The following C14orf39 variants were observed in gnomAD, a reference collection of about 807,000 sequenced individuals.
C14orf39 encodes the protein protein SIX6OS1.
C14orf39 carries 66 observed loss-of-function variants against 85.6 expected under a neutral mutation model. The observed-to-expected ratio is 0.77, with a 90% CI of 0.63 to 0.95. The LOEUF (loss-of-function observed/expected upper bound fraction) is 0.95. C14orf39 is among the 40% of genes least tolerant of loss of function. C14orf39 has a pLI of 0.00. For synonymous variants in C14orf39, 242 were observed against 214.0 expected (o/e 1.13, Z -1.14); for missense variants, 735 against 663.9 (o/e 1.11, Z -1.18).
At chr14:60,475,592 T>TAG (rs1440963956) in intron 5 of C14orf39, among the ~76,000 whole-genome samples, 1 of 152,172 alleles carries the variant, frequency 6.6e-6, no homozygotes, top group East Asian at 1.9e-4. Context: ...TATTAGAGCA[T>TAG]AGCTCATTTA....
intron 1 of C14orf39, among the ~76,000 whole-genome samples, chr14:60,508,718 G>T (rs1263928939): frequency 2.6e-5 from 4 of 152,206 alleles, no homozygotes; most frequent in African/African-American, 9.7e-5. Flanking sequence ...CCACCGCAAG[G>T]TTTGCTGTTT....
At position 60,443,179 on chromosome 14, in the gene C14orf39, G is replaced by C. The variant is rs184283445; in HGVS notation, c.1504-1048C>G. 1.1e-3 allele frequency among the ~76,000 whole-genome samples: 174 copies of C among 152,268 alleles called. 2 individuals carry two copies. The East Asian group carries it at 0.02, about 17-fold the overall frequency. ...ATCTCAATGGGACTGGTTGGACAGT[G>C]GGTGCAGCCCACAGAGGGTGAGCTG... On this transcript the variant is annotated intron_variant, in intron 16 of 17. Coordinates refer to ENST00000321731, the MANE Select transcript of C14orf39 (RefSeq NM_174978.3).
At chr14:60,504,608 T>C (rs1893182377) in intron 1 of C14orf39, among the ~76,000 whole-genome samples, 1 of 152,234 alleles carries the variant, frequency 6.6e-6, no homozygotes, top group African/African-American at 2.4e-5. Context: ...AAAGTGTTTT[T>C]AAGTGACAAG....
chr14:60,459,151 T>A (rs144011126), intron 13 of C14orf39, among the ~76,000 whole-genome samples: 59 of 151,888 alleles, frequency 3.9e-4, no homozygotes, highest in African/African-American at 1.1e-3. Flanking sequence ...ATATGTATGC[T>A]CTTATGTTTT....
At chr14:60,457,294 TTTTTC>T (rs1891323562) in intron 14 of C14orf39, among the ~76,000 whole-genome samples, 199 bp from the exon 15 acceptor site, 1 of 151,892 alleles carries the variant, frequency 6.6e-6, no homozygotes, top group African/African-American at 2.4e-5. Context: ...TTTATCCAAT[TTTTTC>T]TTTTCTTTCC....
chr14:60,443,908 T>A (rs1196162560), intron 16 of C14orf39, among the ~76,000 whole-genome samples: 1 of 152,160 alleles, frequency 6.6e-6, no homozygotes, highest in African/African-American at 2.4e-5. Flanking sequence ...GCAAACAGGG[T>A]CTGGAGTGGA....
intron 1 of C14orf39, among the ~76,000 whole-genome samples, chr14:60,485,506 TCCCCAAC>T (rs2140167618): frequency 6.6e-6 from 1 of 152,258 alleles, no homozygotes; most frequent in African/African-American, 2.4e-5. Context: ...CGAAAGCCCT[TCCCCAAC>T]ACCCGGGTAA....
At chr14:60,512,134 C>T (rs1375736447) in intron 1 of C14orf39, 2 of 152,214 alleles carry the variant, frequency 1.3e-5, no homozygotes, top group African/African-American at 2.4e-5. Context: ...GGCAAGTCCC[C>T]GCATCCCCAG....
intron 5 of C14orf39, among the ~76,000 whole-genome samples, chr14:60,475,835 T>C (rs1340564381): frequency 6.6e-6 from 1 of 152,144 alleles, no homozygotes; most frequent in Non-Finnish European, 1.5e-5. Flanking sequence ...TCAAAAAAAT[T>C]CGTAGAAAAA....
chr14:60,455,287 C>G (rs1951114), intron 15 of C14orf39, 142 bp from the exon 16 acceptor site: 66,889 of 546,848 alleles, frequency 0.12, 6,892 homozygotes, highest in African/African-American at 0.39. Flanking sequence ...ACAATCCTAT[C>G]GAGAAAGGAT....
intron 5 of C14orf39, among the ~76,000 whole-genome samples, chr14:60,472,635 A>G (rs1200282887): frequency 6.6e-6 from 1 of 152,014 alleles, no homozygotes; most frequent in Non-Finnish European, 1.5e-5. Flanking sequence ...CCCACCTACG[A>G]GTGAGAATAT....
At chr14:60,443,096 A>G (rs1890600141) in intron 16 of C14orf39, among the ~76,000 whole-genome samples, 1 of 152,040 alleles carries the variant, frequency 6.6e-6, no homozygotes, top group Non-Finnish European at 1.5e-5. Flanking sequence ...TGCAGCTCCC[A>G]GCGAGATCTA....
At chr14:60,461,654 GTCGT>G in intron 11 of C14orf39, 61 bp from the exon 12 acceptor site, 1 of 998,646 alleles carries the variant, frequency 1.0e-6, no homozygotes, top group Non-Finnish European at 1.5e-6. Context: ...TTTTTTGCTT[GTCGT>G]TAGCAACTCA....
intron 16 of C14orf39, among the ~76,000 whole-genome samples, chr14:60,444,947 A>G (rs1399521922): frequency 2.6e-5 from 4 of 152,196 alleles, no homozygotes; most frequent in African/African-American, 9.6e-5. Context: ...TCAAGCCAGA[A>G]TCTCATATCC....
At chr14:60,447,782 G>A (rs1890842643) in intron 16 of C14orf39, among the ~76,000 whole-genome samples, 1 of 152,124 alleles carries the variant, frequency 6.6e-6, no homozygotes, top group African/African-American at 2.4e-5. Context: ...CACACTACCT[G>A]ACTTCAAACT....
At position 60,481,219 on chromosome 14, in the gene C14orf39, T is replaced by C. The variant is rs529369966; in HGVS notation, c.233+2472A>G. Reference sequence around the variant, plus strand: ...CACATTTTGATCTAAACATACATAATTATTTTTCAATTAAAAATAAATTGT... The same window carrying C: ...CACATTTTGATCTAAACATACATAACTATTTTTCAATTAAAAATAAATTGT... On this transcript the variant is annotated intron_variant, in intron 4 of 17. Transcript: ENST00000321731. Among the ~76,000 whole-genome samples the C allele has an allele frequency of 5.3e-5, 8 of 152,314 alleles. No homozygotes were observed. The South Asian group carries it at 1.7e-3, about 32-fold the overall frequency.
chr14:60,509,415 T>A (rs199904203), intron 1 of C14orf39: 1 of 1,599,358 alleles, frequency 6.3e-7, no homozygotes. Context: ...CAGCTGCCCA[T>A]CTTGAATTTC....
In C14orf39 at chr14:60,491,240, G is replaced by A. The variant is rs1166656475; in HGVS notation, c.-8-6154C>T. Among the ~76,000 whole-genome samples the A allele has an allele frequency of 6.6e-6, 1 of 152,136 alleles. No homozygotes were observed. The highest frequency in any genetic ancestry group is 1.5e-5 in the Non-Finnish European group (1 of 68,022). ...CAACACTGAGGCACTGGCAGATTCA[G>A]TGTCTGGTAAGGGCACACTCTTTGC... On this transcript the variant is annotated intron_variant, in intron 2 of 5. Transcript: ENST00000556799. The surrounding 1 kb of genome is among the most constrained non-coding windows in gnomAD (Gnocchi z 4.5).
In C14orf39 at chr14:60,461,519, A is replaced by G; in HGVS notation, c.1047T>C (p.Phe349=). ...HITTITSSQK[F]MQVRLLTPQK... The stretch of plus-strand genomic sequence containing the variant: ...TTTTAAAAAGTTACCTGACTTGCAT[A>G]AACTTTTGTGAACTTGTGATAGTCG... The change falls in exon 12 of 18, where the codon TTT becomes TTC. Residue 349 remains phenylalanine (F), a synonymous_variant. Transcript: ENST00000321731. The G allele has an allele frequency of 6.3e-7, 1 of 1,592,020 alleles. No individual in the cohort carries two copies.
Sources: gnomAD v4.1 joint callset for allele counts (sites outside exome capture counted in the v4.1 genomes callset) on GRCh38, gnomAD v4.1.1 for gene constraint, Gnocchi (gnomAD v3.1) non-coding constraint, MANE v1.5 for transcripts, NCBI Gene and HGNC (gene_info 2026-07-23, HGNC 2026-07-21) for gene names.